Variants in STRBP observed in about 807,000 individuals in gnomAD.
STRBP encodes the protein spermatid perinuclear RNA-binding protein.
In STRBP, 13 loss-of-function variants were observed where a neutral mutation model predicts 80.1. The ratio of observed to expected loss-of-function variants is 0.16; its 90% CI spans 0.11 to 0.26. The LOEUF is 0.26. STRBP is among the 10% of genes least tolerant of loss of function. The probability of loss-of-function intolerance (pLI) is 1.00; values close to 1 mark genes in which losing one functional copy is unlikely to be tolerated. For synonymous variants in STRBP, 284 were observed against 291.2 expected (o/e 0.98, Z 0.25); for missense variants, 485 against 815.2 (o/e 0.59, Z 4.93).
At chr9:123,200,818 TGA>T (rs2039298521) in intron 2 of STRBP, among the ~76,000 whole-genome samples, 1 of 139,534 alleles carries the variant, frequency 7.2e-6, no homozygotes, top group East Asian at 2.3e-4. Flanking sequence ...CCTGACCTCA[TGA>T]GCCGCCCGCC....
At chr9:123,244,562 T>C (rs1450730854) in intron 1 of STRBP, among the ~76,000 whole-genome samples, 4 of 152,318 alleles carry the variant, frequency 2.6e-5, no homozygotes, top group Middle Eastern at 3.4e-3. Context: ...AGAAGGTATA[T>C]GGGAACTCTC....
At chr9:123,221,852 A>ATCTC (rs147553415) in intron 2 of STRBP, among the ~76,000 whole-genome samples, 2,411 of 152,264 alleles carry the variant, frequency 0.016, 31 homozygotes, top group South Asian at 0.07. Flanking sequence ...TGAATGACAG[A>ATCTC]TCTCTATATT....
intron 2 of STRBP, among the ~76,000 whole-genome samples, chr9:123,196,288 G>A (rs1763241909): frequency 1.3e-5 from 2 of 152,102 alleles, no homozygotes; most frequent in South Asian, 4.2e-4. Context: ...AAAACATTGA[G>A]AAACTATCCA....
intron 2 of STRBP, among the ~76,000 whole-genome samples, chr9:123,225,561 A>G (rs2040209044): frequency 6.6e-6 from 1 of 152,232 alleles, no homozygotes; most frequent in Admixed American, 6.5e-5. Flanking sequence ...CAAATGACTC[A>G]AAGAAGCTGG....
intron 17 of STRBP, 113 bp from the exon 18 acceptor site, chr9:123,128,371 T>C (rs2035983313): frequency 8.4e-7 from 1 of 1,185,098 alleles, no homozygotes; most frequent in Non-Finnish European, 1.2e-6. Context: ...TTCTTCCAGA[T>C]GTTGGATGAA....
intron 1 of STRBP, among the ~76,000 whole-genome samples, chr9:123,246,124 C>T (rs2040795119): frequency 6.6e-6 from 1 of 152,184 alleles, no homozygotes; most frequent in Non-Finnish European, 1.5e-5. Context: ...TTAGACTTAA[C>T]CTAAAATCAA....
At chr9:123,259,938 C>A (rs1450087432) in intron 1 of STRBP, among the ~76,000 whole-genome samples, 2 of 152,176 alleles carry the variant, frequency 1.3e-5, no homozygotes, top group Non-Finnish European at 2.9e-5. Flanking sequence ...ACTTCGTAGT[C>A]TTGACAGGTA....
At chr9:123,162,508 A>C (rs567353473) in intron 6 of STRBP, among the ~76,000 whole-genome samples, 1 of 152,322 alleles carries the variant, frequency 6.6e-6, no homozygotes, top group South Asian at 2.1e-4. Context: ...ATGAGCCACC[A>C]CACCCAGCCA....
At chr9:123,241,884 C>A (rs2040702943) in intron 1 of STRBP, among the ~76,000 whole-genome samples, 2 of 152,188 alleles carry the variant, frequency 1.3e-5, no homozygotes, top group Non-Finnish European at 2.9e-5. Context: ...ATACTCCTTA[C>A]CTTGGCTTAC....
intron 1 of STRBP, among the ~76,000 whole-genome samples, chr9:123,256,579 C>CTA (rs201212295): frequency 0.011 from 1,651 of 152,054 alleles, 28 homozygotes; most frequent in African/African-American, 0.036. Context: ...TAAATGTGAG[C>CTA]TATATATATA....
intron 2 of STRBP, among the ~76,000 whole-genome samples, chr9:123,203,447 TA>T (rs1373722974): frequency 6.6e-6 from 1 of 152,160 alleles, no homozygotes; most frequent in Non-Finnish European, 1.5e-5. Flanking sequence ...TCACAATAAT[TA>T]AGGCTATAAG....
At position 123,194,460 on chromosome 9, in the gene STRBP, T is replaced by TC. The variant is rs1453013899; in HGVS notation, c.-164-10163dup. Reference sequence around the variant, plus strand: ...TCTACTGAGTCATTTCTATCAGCATTCCCACATGTTGTAATAGCACCCATC... The same window carrying TC: ...TCTACTGAGTCATTTCTATCAGCATTCCCCACATGTTGTAATAGCACCCATC... On this transcript the variant is annotated intron_variant, in intron 2 of 18. Coordinates refer to ENST00000348403, the MANE Select transcript of STRBP (RefSeq NM_018387.5). Among the ~76,000 whole-genome samples, 7 of 152,186 alleles carry TC rather than the reference T, an allele frequency of 4.6e-5. No homozygotes were observed. The East Asian group carries it at 1.4e-3, about 29-fold the overall frequency.
At position 123,254,002 on chromosome 9, in the gene STRBP, G is replaced by A. The variant is rs140340992; in HGVS notation, c.-302+14434C>T. Among the ~76,000 whole-genome samples the A allele has an allele frequency of 4.9e-3, 745 of 152,126 alleles. 10 individuals carry two copies. Among genetic ancestry groups the A allele is most frequent in the Middle Eastern group, 0.01 (3 of 294 alleles). ...GTGAATGTTTCATTTAAACTGAATC[G>A]TTCAGTTTAAAATGGTTAGCCTTTT... On this transcript the variant is annotated intron_variant, in intron 1 of 18. Transcript: ENST00000348403.
intron 1 of STRBP, among the ~76,000 whole-genome samples, chr9:123,251,970 T>C (rs1331984473): frequency 6.6e-6 from 1 of 152,044 alleles, no homozygotes; most frequent in Non-Finnish European, 1.5e-5. Context: ...AATACCTAAC[T>C]GAAAGGGATT....
At chr9:123,212,267 TCA>T (rs2039736945) in intron 2 of STRBP, among the ~76,000 whole-genome samples, 1 of 152,196 alleles carries the variant, frequency 6.6e-6, no homozygotes, top group Non-Finnish European at 1.5e-5. Context: ...AATACGGTAC[TCA>T]CAGAACTTTA....
chr9:123,116,884 G>A (rs185165952), downstream of STRBP, among the ~76,000 whole-genome samples: 417 of 152,252 alleles, frequency 2.7e-3, 1 homozygote, highest in African/African-American at 9.3e-3. Flanking sequence ...TCCAGTTGTG[G>A]TGAAATTCAA....
chr9:123,207,771 CACATAAT>C (rs2039572589), intron 2 of STRBP, among the ~76,000 whole-genome samples: 1 of 150,858 alleles, frequency 6.6e-6, no homozygotes, highest in Admixed American at 6.6e-5. Flanking sequence ...GAGGGATATA[CACATAAT>C]ACATATCTGA....
intron 2 of STRBP, chr9:123,212,762 A>C (rs1048566879): frequency 6.6e-6 from 1 of 152,258 alleles, no homozygotes; most frequent in Admixed American, 6.5e-5. Context: ...ATACACAAAT[A>C]CGCATTCCCA....
Position 123,147,454 on chromosome 9 carries a change from T to C in STRBP, c.1138+324A>G, listed in dbSNP as rs974159310. ...ACTTGGAGAGGCCAAGGGGGGTGAATTGCTTGAACTCAGGAGTTCAAGACT... is the reference window on the plus strand; with the variant it reads ...ACTTGGAGAGGCCAAGGGGGGTGAACTGCTTGAACTCAGGAGTTCAAGACT... On this transcript the variant is annotated intron_variant, in intron 12 of 18. Coordinates refer to ENST00000348403, the MANE Select transcript of STRBP (RefSeq NM_018387.5). Among the ~76,000 whole-genome samples, 4 of 151,946 alleles carry C rather than the reference T, an allele frequency of 2.6e-5. No individual in the cohort carries two copies. The East Asian group carries it at 7.7e-4, about 29-fold the overall frequency.
Sources: gnomAD v4.1 joint callset for allele counts (sites outside exome capture counted in the v4.1 genomes callset) on GRCh38, gnomAD v4.1.1 for gene constraint, MANE v1.5 for transcripts, NCBI Gene and HGNC (gene_info 2026-07-23, HGNC 2026-07-21) for gene names.